Variants in CIBAR2 observed in about 807,000 individuals in gnomAD.
CIBAR2 encodes the protein CBY1 interacting BAR domain containing 2.
In CIBAR2, 38 loss-of-function variants were observed where a neutral mutation model predicts 36.2. That is an observed-to-expected ratio of 1.05 (90% CI 0.81 to 1.38). CIBAR2 has a LOEUF of 1.38. Ranked by LOEUF, CIBAR2 falls within the 40% of genes most tolerant of loss-of-function variation. The pLI is 0.00. For missense variants in CIBAR2, 481 were observed against 383.4 expected (o/e 1.25, Z -2.13); for synonymous variants, 182 against 149.5 (o/e 1.22, Z -1.58).
chr16:85,104,864 C>T (rs937535541), intron 6 of CIBAR2, among the ~76,000 whole-genome samples: 1 of 152,210 alleles, frequency 6.6e-6, no homozygotes, highest in African/African-American at 2.4e-5. Flanking sequence ...AGAGCTGGGG[C>T]TCTGGGCCCG....
intron 1 of CIBAR2, among the ~76,000 whole-genome samples, chr16:85,110,990 C>G (rs1015783610): frequency 2.0e-5 from 3 of 152,172 alleles, no homozygotes; most frequent in African/African-American, 7.2e-5. Flanking sequence ...CAGGCATGAG[C>G]CACCACGTTC....
At chr16:85,105,293 C>A in intron 6 of CIBAR2, 34 bp downstream of exon 6, 3 of 1,379,162 alleles carry the variant, frequency 2.2e-6, no homozygotes, top group Non-Finnish European at 3.1e-6. Context: ...CAAGGCAGCC[C>A]AGGGCGCCTC....
intron 2 of CIBAR2, among the ~76,000 whole-genome samples, chr16:85,109,228 T>C (rs1379949722): frequency 6.6e-6 from 1 of 152,110 alleles, no homozygotes; most frequent in East Asian, 1.9e-4. Flanking sequence ...CTGGGCCACA[T>C]GGCGAAACCC....
rs147135404 is a variant in CIBAR2 at position 85,102,252 on chromosome 16, G to A, written c.613C>T (p.Gln205Ter). The change falls in exon 7 of 9, where the codon CAG (glutamine) becomes TAG (stop). Residue 205 changes from glutamine (Q) to a stop codon, truncating the protein, a stop_gained. Coordinates refer to ENST00000539556, the MANE Select transcript of CIBAR2 (RefSeq NM_198491.3). LOFTEE classifies it high-confidence loss of function. ...TCCAGGTCATACTTCTCCAGGGTCTGGAAGGCGCTAGAATACACCTCCACC... is the reference window on the plus strand; with the variant it reads ...TCCAGGTCATACTTCTCCAGGGTCTAGAAGGCGCTAGAATACACCTCCACC... Reference protein sequence around the residue: ...KAVEVYSSAFQTLEKYDLERD... With the variant: ...KAVEVYSSAF The A allele has an allele frequency of 2.2e-5, 36 of 1,612,610 alleles. No individual in the cohort carries two copies. In the African/African-American group the frequency reaches 4.3e-4, roughly 19 times the overall value.
intron 2 of CIBAR2, among the ~76,000 whole-genome samples, chr16:85,109,953 C>T (rs1433855012): frequency 6.6e-6 from 1 of 152,194 alleles, no homozygotes; most frequent in Non-Finnish European, 1.5e-5. Flanking sequence ...GGATGTGTCT[C>T]CTTCGGGGGT....
At chr16:85,101,096 G>C (rs1489788801) in intron 7 of CIBAR2, among the ~76,000 whole-genome samples, 1 of 152,060 alleles carries the variant, frequency 6.6e-6, no homozygotes, top group African/African-American at 2.4e-5. Flanking sequence ...CTGCTGTGAG[G>C]AAGCCCAGGC....
chr16:85,101,111 T>A (rs1234732364), intron 7 of CIBAR2, among the ~76,000 whole-genome samples: 1 of 151,208 alleles, frequency 6.6e-6, no homozygotes, highest in Non-Finnish European at 1.5e-5. Flanking sequence ...CCAGGCCCCA[T>A]GGAAAAGCCG....
chr16:85,110,392 G>A lies in CIBAR2; in HGVS notation c.89C>T (p.Ser30Leu), dbSNP rs753091695. Residue 30 changes from serine (S) to leucine (L), a missense_variant, in exon 2 of 9, where the codon TCG becomes TTG. Physicochemically the swap from Ser to Leu is moderately radical, Grantham distance 145 (BLOSUM62 -2). Transcript: ENST00000539556. ...CTTGCGCGTGTAGGCGGCCAGCAGC[G>A]AGCAGAACTGCCCAAAGTACTTCTC... ...NTEKYFGQFC[S>L]LLAAYTRKTA... 1.3e-4 allele frequency: 214 copies of A among 1,613,434 alleles called. No homozygotes were observed. The East Asian group carries it at 2.9e-3, about 22-fold the overall frequency.
chr16:85,105,342 C>T lies in CIBAR2; in HGVS notation c.522G>A (p.Lys174=). The change falls in exon 6 of 9, where the codon AAG becomes AAA. Residue 174 remains lysine (K), a synonymous_variant. Transcript: ENST00000539556. ...CCACCCTCACCTGCAGGTCCTTGAG[C>T]TTCTGCCTCTGGAAGCCATCCACAG... ...EETVDGFQRQ[K]LKDLQKFFCD... 1 of 1,612,734 alleles carries T rather than the reference C, an allele frequency of 6.2e-7. No individual in the cohort carries two copies. Among genetic ancestry groups the T allele is most frequent in the Non-Finnish European group, 8.5e-7 (1 of 1,179,478 alleles).
chr16:85,110,466 G>C lies in CIBAR2; in HGVS notation c.21-6C>G. The C allele has an allele frequency of 6.3e-7, 1 of 1,581,028 alleles. No individual in the cohort carries two copies. The highest frequency in any genetic ancestry group is 8.6e-7 in the Non-Finnish European group (1 of 1,158,526). On this transcript the variant is annotated splice_polypyrimidine_tract_variant and splice_region_variant and intron_variant, in intron 1 of 8. Coordinates refer to ENST00000539556, the MANE Select transcript of CIBAR2 (RefSeq NM_198491.3). ...TCACCCTCACCTGGCTGTCCCTGTG[G>C]AGGCGGGGACCTGAGCAGCCATTCT...
intron 2 of CIBAR2, among the ~76,000 whole-genome samples, chr16:85,108,983 A>C (rs1351716002): frequency 6.6e-6 from 1 of 152,148 alleles, no homozygotes; most frequent in Non-Finnish European, 1.5e-5. Context: ...GACATCAAGG[A>C]AGATGGCACC....
chr16:85,109,843 G>A (rs2074026584), intron 2 of CIBAR2, among the ~76,000 whole-genome samples: 1 of 152,126 alleles, frequency 6.6e-6, no homozygotes, highest in African/African-American at 2.4e-5. Context: ...TGGGCTGGCA[G>A]GAATTTCTAT....
intron 1 of CIBAR2, among the ~76,000 whole-genome samples, chr16:85,111,348 T>C (rs2074041363): frequency 6.6e-6 from 1 of 152,162 alleles, no homozygotes; most frequent in Admixed American, 6.5e-5. Context: ...CATGTGAAAA[T>C]GCAGTGAACT....
intron 1 of CIBAR2, among the ~76,000 whole-genome samples, chr16:85,111,389 C>T (rs139004431): frequency 5.3e-5 from 8 of 152,290 alleles, no homozygotes; most frequent in Middle Eastern, 3.4e-3. Context: ...ATCTTGCTAC[C>T]GGTCACACAG....
Position 85,101,721 on chromosome 16 carries a change from G to C in CIBAR2, c.651+493C>G, listed in dbSNP as rs2073957015. On this transcript the variant is annotated intron_variant, in intron 7 of 8. Transcript: ENST00000539556. ...GTCTCGCTCTGTCGCCCAGGCTGGA[G>C]TGCAGTGGCACGATCTCGGCTCACT... Among the ~76,000 whole-genome samples, 4 of 151,526 alleles carry C rather than the reference G, an allele frequency of 2.6e-5. No individual in the cohort carries two copies. The South Asian group carries it at 8.3e-4, about 32-fold the overall frequency.
rs372377482 is a variant in CIBAR2 at position 85,102,245 on chromosome 16, A to G, written c.620T>C (p.Leu207Pro). Residue 207 changes from leucine (L) to proline (P), a missense_variant, in exon 7 of 9, where the codon CTG becomes CCG. Physicochemically the swap from Leu to Pro is moderately conservative, Grantham distance 98. Transcript: ENST00000539556. Reference sequence around the variant, plus strand: ...ATCCCTCTCCAGGTCATACTTCTCCAGGGTCTGGAAGGCGCTAGAATACAC... The same window carrying G: ...ATCCCTCTCCAGGTCATACTTCTCCGGGGTCTGGAAGGCGCTAGAATACAC... ...VEVYSSAFQT[L>P]EKYDLERDLL... 1 of 1,611,102 alleles carries G rather than the reference A, an allele frequency of 6.2e-7. No homozygotes were observed.
intron 7 of CIBAR2, among the ~76,000 whole-genome samples, chr16:85,100,840 G>A (rs1413864543): frequency 3.3e-5 from 5 of 152,316 alleles, no homozygotes; most frequent in Middle Eastern, 3.4e-3. Context: ...GAGGTCAGGA[G>A]ATCAAGACCA....
At chr16:85,107,748 C>T in intron 4 of CIBAR2, 76 bp from the exon 5 acceptor site, 1 of 1,595,020 alleles carries the variant, frequency 6.3e-7, no homozygotes, top group Non-Finnish European at 8.6e-7. Flanking sequence ...TTCACAGCCC[C>T]TGCCCAGCGG....
intron 1 of CIBAR2, among the ~76,000 whole-genome samples, chr16:85,111,126 C>T (rs566401012): frequency 2.6e-5 from 4 of 152,216 alleles, no homozygotes; most frequent in African/African-American, 9.6e-5. Context: ...GGCCTCCTCA[C>T]GCCCTCTCCT....
Sources: allele counts gnomAD v4.1 joint callset (sites outside exome capture counted in the v4.1 genomes callset), GRCh38; gene constraint gnomAD v4.1.1; transcripts MANE v1.5; gene names NCBI Gene and HGNC (gene_info 2026-07-23, HGNC 2026-07-21).